Variants in NCMAP observed in about 807,000 individuals in gnomAD.
NCMAP encodes the protein non-compact myelin associated protein, also known as noncompact myelin-associated protein.
A neutral mutation model predicts 7.8 loss-of-function variants in NCMAP; 8 were observed. The ratio of observed to expected loss-of-function variants is 1.02; its 90% CI spans 0.60 to 1.84. The LOEUF is 1.84. Ranked by LOEUF, NCMAP falls within the 40% of genes most tolerant of loss-of-function variation. The pLI is 0.00. For synonymous variants in NCMAP, 41 were observed against 52.9 expected, an observed-to-expected ratio of 0.78 and a Z score of 0.98; for missense variants, 112 against 131.4, an observed-to-expected ratio of 0.85 and a Z score of 0.72.
In NCMAP at chr1:24,607,359, T is replaced by C. The variant is rs1652799579; in HGVS notation, c.*1612T>C. On this transcript the variant is annotated 3_prime_UTR_variant, in exon 4 of 4. Transcript: ENST00000374392. Reference sequence around the variant, plus strand: ...TTTTCAATTGCAAGATAGACATTTCTTCACATTTTAATGATTCTGAAATCA... The same window carrying C: ...TTTTCAATTGCAAGATAGACATTTCCTCACATTTTAATGATTCTGAAATCA... 1 of 151,544 alleles carries C rather than the reference T, an allele frequency of 6.6e-6. No individual in the cohort carries two copies. Among genetic ancestry groups the C allele is most frequent in the Non-Finnish European group, 1.5e-5 (1 of 68,042 alleles). 9.4% of individuals were successfully genotyped at this position (151,544 alleles called of 1,614,324 possible). A position where few individuals can be genotyped will look rare whatever the true frequency, so the allele number is the denominator to read the frequency against.
intron 1 of NCMAP, among the ~76,000 whole-genome samples, chr1:24,558,528 T>C (rs1209617982): frequency 6.6e-6 from 1 of 152,180 alleles, no homozygotes; most frequent in Non-Finnish European, 1.5e-5. Context: ...CAATGCCTTT[T>C]CTCAGAGAAG....
chr1:24,563,552 A>AG (rs1651124155), intron 1 of NCMAP: 1 of 149,642 alleles, frequency 6.7e-6, no homozygotes, highest in African/African-American at 2.5e-5. Flanking sequence ...AAAAAAAAAA[A>AG]GAAAGAAAAA....
chr1:24,578,006 T>C (rs894483552), intron 1 of NCMAP, among the ~76,000 whole-genome samples: 29 of 152,254 alleles, frequency 1.9e-4, no homozygotes, highest in Admixed American at 1.8e-3. Flanking sequence ...CTCACGCCTG[T>C]AATCCCAGCA....
At chr1:24,589,983 C>T (rs1652000606) in intron 1 of NCMAP, among the ~76,000 whole-genome samples, 1 of 152,108 alleles carries the variant, frequency 6.6e-6, no homozygotes, top group Admixed American at 6.6e-5. Flanking sequence ...ACTGCCATCA[C>T]ACCTGGCTAA....
intron 2 of NCMAP, among the ~76,000 whole-genome samples, chr1:24,600,330 T>C (rs537869955): frequency 3.4e-4 from 51 of 152,000 alleles, no homozygotes; most frequent in African/African-American, 9.2e-4. Context: ...TTTAATTTTT[T>C]ATTTCTAGAA....
intron 3 of NCMAP, among the ~76,000 whole-genome samples, chr1:24,604,594 A>T (rs1167754415): frequency 1.6e-5 from 1 of 64,168 alleles, no homozygotes; most frequent in East Asian, 3.5e-4. Flanking sequence ...AAAAAAAAAA[A>T]AAAAAAAAAA....
intron 2 of NCMAP, among the ~76,000 whole-genome samples, chr1:24,599,644 C>T (rs961281146): frequency 6.6e-6 from 1 of 152,080 alleles, no homozygotes; most frequent in Non-Finnish European, 1.5e-5. Context: ...GTGGCACGAT[C>T]TCGGCTCACT....
chr1:24,556,420 C>G (rs1296367840), intron 1 of NCMAP, among the ~76,000 whole-genome samples: 2 of 152,162 alleles, frequency 1.3e-5, no homozygotes, highest in African/African-American at 2.4e-5. Flanking sequence ...GAGACGAGGT[C>G]GTTTCCTTGT....
At chr1:24,592,948 G>A (rs1035780958) in intron 1 of NCMAP, among the ~76,000 whole-genome samples, 3 of 151,940 alleles carry the variant, frequency 2.0e-5, no homozygotes, top group African/African-American at 7.3e-5. Context: ...GGGAAGCTGA[G>A]GCTGGTGGAT....
chr1:24,591,233 G>A (rs1652037787), intron 1 of NCMAP, among the ~76,000 whole-genome samples: 1 of 152,180 alleles, frequency 6.6e-6, no homozygotes, highest in South Asian at 2.1e-4. Context: ...TTCAGTATGA[G>A]TAGGAGTCTT....
chr1:24,598,483 A>G (rs1421899696), intron 2 of NCMAP, among the ~76,000 whole-genome samples: 4 of 152,046 alleles, frequency 2.6e-5, no homozygotes, highest in Non-Finnish European at 5.9e-5. Flanking sequence ...AATGGCCTAT[A>G]GGTATACCAT....
chr1:24,574,630 A>C (rs4648998), intron 1 of NCMAP, among the ~76,000 whole-genome samples: 75,622 of 151,534 alleles, frequency 0.5, 19,379 homozygotes, highest in Middle Eastern at 0.59. Context: ...GAGAACTCCG[A>C]CATATACCAT....
In NCMAP at chr1:24,600,857, G is replaced by T. The variant is rs1570540931; in HGVS notation, c.83-83G>T. On this transcript the variant is annotated intron_variant, in intron 2 of 3. Coordinates refer to ENST00000374392, the MANE Select transcript of NCMAP (RefSeq NM_001010980.5). The stretch of plus-strand genomic sequence containing the variant: ...CTCCTGCCTCCCTTGACCTAGTGAG[G>T]ATGTCAGGTGCCACAGCAGGGCGCC... The T allele has an allele frequency of 2.7e-6, 3 of 1,127,040 alleles. No individual in the cohort carries two copies. The East Asian group carries it at 7.0e-5, about 26-fold the overall frequency. The allele number at this position is 1,127,040 out of a possible 1,614,324, so 69.8% of individuals were successfully genotyped here. A position where few individuals can be genotyped will look rare whatever the true frequency, so the allele number is the denominator to read the frequency against.
At chr1:24,569,154 C>T (rs1241592280) in intron 1 of NCMAP, among the ~76,000 whole-genome samples, 3 of 152,008 alleles carry the variant, frequency 2.0e-5, no homozygotes, top group Middle Eastern at 3.4e-3. Context: ...CCACCATGCC[C>T]GACTGATTTT....
At chr1:24,585,469 A>G (rs1413144451) in intron 1 of NCMAP, among the ~76,000 whole-genome samples, 1 of 152,106 alleles carries the variant, frequency 6.6e-6, no homozygotes, top group African/African-American at 2.4e-5. Context: ...CTGAGTCCAT[A>G]TCTACAAAGA....
chr1:24,604,601 AAAAAATATATATATATATATATATATAT>A (rs1247045027), intron 3 of NCMAP, among the ~76,000 whole-genome samples: 14 of 51,358 alleles, frequency 2.7e-4, no homozygotes, highest in African/African-American at 1.6e-3. Context: ...AAAAAAAAAA[AAAAAATATATATATATATATATATATAT>A]ATATATATAT....
At chr1:24,557,575 G>A (rs1007807159) in intron 1 of NCMAP, among the ~76,000 whole-genome samples, 56 of 152,176 alleles carry the variant, frequency 3.7e-4, no homozygotes, top group African/African-American at 1.3e-3. Flanking sequence ...CGTGGGAGTG[G>A]ATGATGGGGC....
In NCMAP at chr1:24,606,897, A is replaced by G. The variant is rs1480168756; in HGVS notation, c.*1150A>G. 6.6e-6 allele frequency: 1 copy of G among 152,212 alleles called. No individual in the cohort carries two copies. The highest frequency in any genetic ancestry group is 1.9e-4 in the East Asian group (1 of 5,202). 9.4% of individuals were successfully genotyped at this position (152,212 alleles called of 1,614,324 possible). A position where few individuals can be genotyped will look rare whatever the true frequency, so the allele number is the denominator to read the frequency against. On this transcript the variant is annotated 3_prime_UTR_variant, in exon 4 of 4. Coordinates refer to ENST00000374392, the MANE Select transcript of NCMAP (RefSeq NM_001010980.5). Reference sequence around the variant, plus strand: ...CCTGCCTCATTGGGGCACTATAACAAGTGAAGGACTTAGGAAAACATCTGG... The same window carrying G: ...CCTGCCTCATTGGGGCACTATAACAGGTGAAGGACTTAGGAAAACATCTGG...
chr1:24,558,910 A>G (rs1650975998), intron 1 of NCMAP, among the ~76,000 whole-genome samples: 1 of 152,216 alleles, frequency 6.6e-6, no homozygotes, highest in South Asian at 2.1e-4. Context: ...TTAAAAAGAA[A>G]AGAAAAGAAA....
Sources: gnomAD v4.1 joint callset for allele counts (sites outside exome capture counted in the v4.1 genomes callset) on GRCh38, gnomAD v4.1.1 for gene constraint, MANE v1.5 for transcripts, NCBI Gene and HGNC (gene_info 2026-07-23, HGNC 2026-07-21) for gene names.